Variants in LRBA observed in about 807,000 individuals in gnomAD.
The protein encoded by LRBA is lipopolysaccharide-responsive and beige-like anchor protein.
In LRBA, 176 loss-of-function variants were observed where a neutral mutation model predicts 330.0. The observed-to-expected ratio is 0.53, with a 90% CI of 0.47 to 0.60. The LOEUF (loss-of-function observed/expected upper bound fraction) is 0.60, where lower values mean the gene tolerates loss of function less well. Among genes scored for constraint, LRBA ranks in the 20% least tolerant of loss-of-function variants. The pLI is 0.00. For missense variants in LRBA, 3,259 were observed against 3,444.8 expected, an observed-to-expected ratio of 0.95 and a Z score of 1.35; for synonymous variants, 1,230 against 1,193.0, an observed-to-expected ratio of 1.03 and a Z score of -0.64.
At chr4:150,772,979 C>T (rs1456721600) in intron 34 of LRBA, among the ~76,000 whole-genome samples, 1 of 152,148 alleles carries the variant, frequency 6.6e-6, no homozygotes, top group African/African-American at 2.4e-5. Flanking sequence ...CATAAACGGT[C>T]ACTAGCATGT....
rs941103018 is a variant in LRBA at position 150,270,412 on chromosome 4, T to C, written c.8469-4600A>G. Among the ~76,000 whole-genome samples, 6 of 152,346 alleles carry C rather than the reference T, an allele frequency of 3.9e-5. No individual in the cohort carries two copies. The South Asian group carries it at 1.2e-3, about 32-fold the overall frequency. ...ACATGCAAGAACCTTGAAAGTGTTA[T>C]GCCAAGTGAAATAAGCCAGGCACAA... On this transcript the variant is annotated intron_variant, in intron 56 of 56. Transcript: ENST00000651943.
intron 2 of LRBA, among the ~76,000 whole-genome samples, chr4:151,000,487 A>G (rs1743207915): frequency 6.6e-6 from 1 of 152,238 alleles, no homozygotes; most frequent in South Asian, 2.1e-4. Flanking sequence ...AACATTATTA[A>G]GTAAAATAAG....
At chr4:150,622,537 T>C (rs1173033959) in intron 37 of LRBA, among the ~76,000 whole-genome samples, 1 of 151,778 alleles carries the variant, frequency 6.6e-6, no homozygotes, top group Admixed American at 6.6e-5. Context: ...ACCCTGTCTA[T>C]AAAAAAGAAA....
intron 2 of LRBA, among the ~76,000 whole-genome samples, chr4:150,958,740 C>T (rs1737823129): frequency 6.7e-6 from 1 of 148,908 alleles, no homozygotes; most frequent in Non-Finnish European, 1.5e-5. Context: ...TTCCACAGAC[C>T]TCTAGGGCAA....
rs111339666 is a variant in LRBA at position 150,742,917 on chromosome 4, A to G, written c.5646-7551T>C. On this transcript the variant is annotated intron_variant, in intron 35 of 56. Coordinates refer to ENST00000651943, the MANE Select transcript of LRBA (RefSeq NM_001364905.1). ...TGTCTCAAAACAAAAAACAAAACAA[A>G]AACAAAAAAAGAGCAAACATAAACT... Among the ~76,000 whole-genome samples the G allele has an allele frequency of 1.2e-3, 184 of 152,242 alleles. 4 individuals are homozygous for G. Among genetic ancestry groups the G allele is most frequent in the African/African-American group, 4.3e-3 (180 of 41,554 alleles).
At chr4:150,557,896 C>G (rs1458410806) in intron 40 of LRBA, among the ~76,000 whole-genome samples, 1 of 151,720 alleles carries the variant, frequency 6.6e-6, no homozygotes, top group Non-Finnish European at 1.5e-5. Flanking sequence ...CATACTGTAC[C>G]CTTTGTTTTT....
At chr4:150,897,893 C>T in intron 14 of LRBA, 75 bp from the exon 15 acceptor site, 1 of 954,062 alleles carries the variant, frequency 1.0e-6, no homozygotes, top group Non-Finnish European at 1.7e-6. Context: ...AATTCTCATT[C>T]CCAACAGCTT....
intron 31 of LRBA, 142 bp from the exon 32 acceptor site, chr4:150,808,540 T>C: frequency 1.8e-6 from 1 of 558,448 alleles, no homozygotes; most frequent in South Asian, 2.7e-5. Context: ...CATTAAAATC[T>C]AACAATTAAC....
intron 40 of LRBA, chr4:150,582,687 CCTT>C (rs1452549385): frequency 9.0e-6 from 2 of 222,016 alleles, no homozygotes; most frequent in East Asian, 9.6e-5. Context: ...TTTTCCCTCT[CCTT>C]CTCCTTCCTC....
chr4:150,545,364 A>T (rs963469653), intron 40 of LRBA, among the ~76,000 whole-genome samples: 21 of 152,216 alleles, frequency 1.4e-4, no homozygotes, highest in Non-Finnish European at 2.9e-5. Context: ...CTACAATCTC[A>T]GAAAATTTTA....
chr4:150,273,382 G>A (rs985833460), intron 56 of LRBA, among the ~76,000 whole-genome samples: 10 of 152,232 alleles, frequency 6.6e-5, no homozygotes, highest in African/African-American at 2.2e-4. Flanking sequence ...CACCATCGAC[G>A]CTATGAAGGA....
At position 150,975,450 on chromosome 4, in the gene LRBA, C is replaced by T. The variant is rs1458857642; in HGVS notation, c.216+38977G>A. On this transcript the variant is annotated intron_variant, in intron 2 of 56. Transcript: ENST00000651943. ...CTGAGGCAGGAGAATCCCTTGAACC[C>T]GGGAGACGGAGGTTGCAGTGAGCCC... Among the ~76,000 whole-genome samples the T allele has an allele frequency of 2.0e-5, 3 of 150,734 alleles. No individual in the cohort carries two copies. In the East Asian group the frequency reaches 5.9e-4, roughly 30 times the overall value.
At chr4:150,479,879 G>A (rs1013138936) in intron 42 of LRBA, among the ~76,000 whole-genome samples, 10 of 152,118 alleles carry the variant, frequency 6.6e-5, no homozygotes, top group Admixed American at 6.6e-4. Flanking sequence ...AGATTCCTTT[G>A]ACAGCCATCC....
intron 35 of LRBA, among the ~76,000 whole-genome samples, chr4:150,739,922 G>GT (rs1731726153): frequency 6.6e-6 from 1 of 152,210 alleles, no homozygotes; most frequent in South Asian, 2.1e-4. Flanking sequence ...TTGCAGCCTT[G>GT]TAAGTGAACC....
chr4:150,676,807 A>G (rs1203319125), intron 37 of LRBA, among the ~76,000 whole-genome samples: 3 of 152,174 alleles, frequency 2.0e-5, no homozygotes, highest in African/African-American at 7.2e-5. Flanking sequence ...AGCACCCCCA[A>G]ACTACAACTT....
intron 53 of LRBA, among the ~76,000 whole-genome samples, chr4:150,291,215 G>A (rs972220363): frequency 2.7e-5 from 4 of 146,820 alleles, no homozygotes; most frequent in African/African-American, 1.0e-4. Context: ...AGACAAAATT[G>A]ACAAATGGGA....
intron 18 of LRBA, among the ~76,000 whole-genome samples, chr4:150,871,713 A>C (rs924894395): frequency 6.6e-6 from 1 of 152,050 alleles, no homozygotes; most frequent in Non-Finnish European, 1.5e-5. Flanking sequence ...GCACAGCAAA[A>C]ACCTCCTCCA....
chr4:150,603,645 CA>C (rs1774339101), intron 37 of LRBA, among the ~76,000 whole-genome samples: 1 of 152,084 alleles, frequency 6.6e-6, no homozygotes, highest in Non-Finnish European at 1.5e-5. Context: ...CTCCCCAGTA[CA>C]AAAATTAGTA....
In LRBA at chr4:150,777,444, A is replaced by G. The variant is rs72719605; in HGVS notation, c.5581-15597T>C. The stretch of plus-strand genomic sequence containing the variant: ...CTGTTTCATTTTCCTTATTATAAAA[A>G]TATAAAAATTTAAAGGTTTAGGTTC... On this transcript the variant is annotated intron_variant, in intron 34 of 56. Transcript: ENST00000651943. 1.6e-3 allele frequency among the ~76,000 whole-genome samples: 245 copies of G among 152,290 alleles called. 1 individual carries two copies. The highest frequency in any genetic ancestry group is 3.6e-3 in the Admixed American group (55 of 15,304).
Sources: allele counts gnomAD v4.1 joint callset (sites outside exome capture counted in the v4.1 genomes callset), GRCh38; gene constraint gnomAD v4.1.1; transcripts MANE v1.5; gene names NCBI Gene and HGNC (gene_info 2026-07-23, HGNC 2026-07-21).